CDH12: variants seen among roughly 807,000 people sequenced by gnomAD.
The protein encoded by CDH12 is cadherin-12.
In CDH12, 41 loss-of-function variants were observed where a neutral mutation model predicts 74.1. The observed-to-expected ratio is 0.55, with a 90% CI of 0.43 to 0.72. The LOEUF (loss-of-function observed/expected upper bound fraction) is 0.72, where lower values mean the gene tolerates loss of function less well. Ranked by LOEUF, CDH12 falls within the 30% of genes least tolerant of loss-of-function variation. The pLI is 0.00. For missense variants in CDH12, 945 were observed against 977.2 expected, an observed-to-expected ratio of 0.97 and a Z score of 0.44; for synonymous variants, 399 against 355.0, an observed-to-expected ratio of 1.12 and a Z score of -1.39.
At chr5:21,808,051 A>C (rs187060766) in intron 9 of CDH12, among the ~76,000 whole-genome samples, 132 of 152,178 alleles carry the variant, frequency 8.7e-4, no homozygotes, top group Admixed American at 2.6e-3. Flanking sequence ...TGCCTGTGGG[A>C]ACTGAAACCT....
intron 1 of CDH12, among the ~76,000 whole-genome samples, chr5:22,771,908 T>C (rs1030933802): frequency 6.6e-6 from 1 of 152,086 alleles, no homozygotes; most frequent in Non-Finnish European, 1.5e-5. Flanking sequence ...TCTCTTTGTG[T>C]ATATGATATA....
In CDH12 at chr5:21,751,902, G is replaced by A. The variant is rs1744097944; in HGVS notation, c.2220C>T (p.Ala740=). ...CTGCCACGGACCCACTCCCTTCGTA[G>A]GCATATGTGGCCAGTGAATCGTATG... is the stretch of plus-strand genomic sequence containing the variant. ...APPYDSLATY[A]YEGSGSVAES... Residue 740 remains alanine (A), a synonymous_variant, in exon 15 of 15, where the codon GCC becomes GCT. Coordinates refer to ENST00000382254, the MANE Select transcript of CDH12 (RefSeq NM_004061.5). The A allele has an allele frequency of 2.5e-6, 4 of 1,613,922 alleles. No individual in the cohort carries two copies. The African/African-American group carries it at 4.0e-5, about 16-fold the overall frequency.
intron 4 of CDH12, among the ~76,000 whole-genome samples, chr5:22,207,332 C>T (rs1009050332): frequency 1.3e-5 from 2 of 151,264 alleles, no homozygotes; most frequent in African/African-American, 4.9e-5. Context: ...AGTCAGCAAA[C>T]TTTTTCTGTG....
intron 1 of CDH12, among the ~76,000 whole-genome samples, chr5:22,705,770 A>G (rs916950913): frequency 1.3e-5 from 2 of 152,118 alleles, no homozygotes; most frequent in Non-Finnish European, 2.9e-5. Flanking sequence ...AATGAAAAAA[A>G]GCATTACCAC....
chr5:22,563,148 C>T (rs937862328), intron 1 of CDH12, among the ~76,000 whole-genome samples: 5 of 150,290 alleles, frequency 3.3e-5, no homozygotes, highest in South Asian at 2.1e-4. Flanking sequence ...ATCTAGCAGA[C>T]GGAATCAAGG....
intron 13 of CDH12, among the ~76,000 whole-genome samples, 165 bp from the exon 14 acceptor site, chr5:21,756,007 A>G (rs1240426216): frequency 1.3e-5 from 2 of 152,184 alleles, no homozygotes; most frequent in Admixed American, 6.5e-5. Flanking sequence ...TATAATCAAA[A>G]TAATCCTTAG....
intron 11 of CDH12, among the ~76,000 whole-genome samples, chr5:21,768,732 C>A (rs1745160851): frequency 6.6e-6 from 1 of 151,976 alleles, no homozygotes. Flanking sequence ...CAAATAATAT[C>A]ATTTTCTTAC....
At chr5:22,229,030 A>G (rs1306450618) in intron 3 of CDH12, among the ~76,000 whole-genome samples, 1 of 152,060 alleles carries the variant, frequency 6.6e-6, no homozygotes, top group African/African-American at 2.4e-5. Flanking sequence ...TCAAGTGACT[A>G]TATCTCCAAC....
intron 1 of CDH12, among the ~76,000 whole-genome samples, chr5:22,698,737 T>TATA (rs1742553943): frequency 1.8e-4 from 4 of 22,548 alleles, no homozygotes; most frequent in Non-Finnish European, 2.9e-4. Context: ...ATATATATAG[T>TATA]GTGTGTGTGT....
chr5:21,872,325 A>T (rs1169142752), intron 6 of CDH12, among the ~76,000 whole-genome samples: 1 of 152,126 alleles, frequency 6.6e-6, no homozygotes, highest in African/African-American at 2.4e-5. Context: ...TGTGATTCAA[A>T]CCTACTTTGA....
intron 7 of CDH12, among the ~76,000 whole-genome samples, chr5:21,852,542 T>A (rs1475855481): frequency 1.3e-5 from 2 of 151,474 alleles, no homozygotes; most frequent in Admixed American, 1.3e-4. Context: ...TTTTAACCCA[T>A]CCTTTACGTT....
At chr5:22,502,463 A>C (rs1169672981) in intron 2 of CDH12, among the ~76,000 whole-genome samples, 1 of 152,090 alleles carries the variant, frequency 6.6e-6, no homozygotes, top group Non-Finnish European at 1.5e-5. Flanking sequence ...AGAACACACT[A>C]ATACATTAGT....
At position 22,498,339 on chromosome 5, in the gene CDH12, C is replaced by A. The variant is rs1580709008; in HGVS notation, c.-428+6931G>T. ...ATTCTCCTCACTAGAATGTAAACAC[C>A]AACATGGTTAACAACATTTAATGAT... On this transcript the variant is annotated intron_variant, in intron 2 of 14. Transcript: ENST00000382254. Among the ~76,000 whole-genome samples, 3 of 151,808 alleles carry A rather than the reference C, an allele frequency of 2.0e-5. No individual in the cohort carries two copies. In the East Asian group the frequency reaches 5.8e-4, roughly 29 times the overall value.
At chr5:22,191,810 C>T (rs981298708) in intron 4 of CDH12, among the ~76,000 whole-genome samples, 6 of 151,924 alleles carry the variant, frequency 3.9e-5, no homozygotes, top group Admixed American at 6.6e-5. Context: ...GTGATCCGCC[C>T]GCCTCGGCCT....
intron 6 of CDH12, among the ~76,000 whole-genome samples, chr5:21,905,108 A>C (rs1753577961): frequency 6.6e-6 from 1 of 152,178 alleles, no homozygotes; most frequent in Non-Finnish European, 1.5e-5. Context: ...AAATAGAAAA[A>C]GGTATCAAAA....
intron 1 of CDH12, among the ~76,000 whole-genome samples, chr5:22,621,577 C>T (rs1737974795): frequency 6.6e-6 from 1 of 151,940 alleles, no homozygotes; most frequent in Admixed American, 6.6e-5. Flanking sequence ...GAAAGCTCAA[C>T]AATGGTAAAT....
intron 7 of CDH12, among the ~76,000 whole-genome samples, chr5:21,853,564 C>A (rs1324845170): frequency 1.3e-5 from 2 of 151,548 alleles, no homozygotes; most frequent in African/African-American, 4.8e-5. Flanking sequence ...TTTTGCACCT[C>A]AACTTTTGTT....
intron 1 of CDH12, among the ~76,000 whole-genome samples, chr5:22,852,165 A>T (rs953247569): frequency 2.0e-5 from 3 of 152,204 alleles, no homozygotes; most frequent in African/African-American, 7.2e-5. Context: ...GAATCATGAA[A>T]TGGTCGCAGA....
chr5:22,429,094 C>CTTTTA (rs1467463459), intron 2 of CDH12, among the ~76,000 whole-genome samples: 38 of 149,760 alleles, frequency 2.5e-4, no homozygotes, highest in African/African-American at 8.8e-4. Flanking sequence ...TAATATCCCA[C>CTTTTA]TTTTATTCTA....
Sources: allele counts gnomAD v4.1 joint callset (sites outside exome capture counted in the v4.1 genomes callset), GRCh38; gene constraint gnomAD v4.1.1; transcripts MANE v1.5; gene names NCBI Gene and HGNC (gene_info 2026-07-23, HGNC 2026-07-21).